The following CAMK1G variants were observed in gnomAD, a reference collection of about 807,000 sequenced individuals.
CAMK1G encodes the protein calcium/calmodulin-dependent protein kinase type 1G.
In CAMK1G, 27 loss-of-function variants were observed where a neutral mutation model predicts 54.8. The ratio of observed to expected loss-of-function variants is 0.49; its 90% CI spans 0.36 to 0.68. The LOEUF is 0.68. Ranked by LOEUF, CAMK1G falls within the 30% of genes least tolerant of loss-of-function variation. CAMK1G has a pLI of 0.00. For synonymous variants in CAMK1G, 238 were observed against 224.9 expected (o/e 1.06, Z -0.52); for missense variants, 512 against 591.0 (o/e 0.87, Z 1.39).
Position 209,609,834 on chromosome 1 carries a change from T to C in CAMK1G, c.749-17T>C, listed in dbSNP as rs1558141980. The C allele has an allele frequency of 1.2e-6, 2 of 1,614,024 alleles. No homozygotes were observed. Among genetic ancestry groups the C allele is most frequent in the Admixed American group, 1.7e-5 (1 of 60,026 alleles). ...AATCTGGTCCTTAGTCGTCGTGTCT[T>C]TGATTACTCCCCTTAGCCAAGGACT... On this transcript the variant is annotated splice_polypyrimidine_tract_variant and intron_variant, in intron 8 of 12. Transcript: ENST00000361322.
At chr1:209,609,989 A>G in intron 9 of CAMK1G, 60 bp downstream of exon 9, 1 of 1,318,842 alleles carries the variant, frequency 7.6e-7, no homozygotes, top group Non-Finnish European at 1.1e-6. Context: ...AACCATGCTG[A>G]CTCATTCATA....
At chr1:209,594,258 C>T (rs752256922) in intron 1 of CAMK1G, among the ~76,000 whole-genome samples, 18 of 152,148 alleles carry the variant, frequency 1.2e-4, no homozygotes, top group Non-Finnish European at 2.2e-4. Flanking sequence ...GCCCATTGCC[C>T]GTCTCCTTCA....
chr1:209,612,713 C>A, intron 11 of CAMK1G, 72 bp from the exon 12 acceptor site: 1 of 1,264,130 alleles, frequency 7.9e-7, no homozygotes, highest in Non-Finnish European at 1.2e-6. Flanking sequence ...AGAGAACTAC[C>A]ACCTCTGCCC....
intron 9 of CAMK1G, 85 bp from the exon 10 acceptor site, chr1:209,611,380 A>T: frequency 8.2e-7 from 1 of 1,221,570 alleles, no homozygotes; most frequent in Non-Finnish European, 1.2e-6. Flanking sequence ...CCCAGCTCTC[A>T]CCTAGACCTG....
At chr1:209,594,742 A>G (rs937219428) in intron 1 of CAMK1G, among the ~76,000 whole-genome samples, 1 of 152,258 alleles carries the variant, frequency 6.6e-6, no homozygotes, top group Non-Finnish European at 1.5e-5. Context: ...AGCATAGTGC[A>G]CATGTAGTAG....
chr1:209,595,750 C>T (rs954692061), intron 2 of CAMK1G, among the ~76,000 whole-genome samples: 5 of 152,242 alleles, frequency 3.3e-5, no homozygotes, highest in African/African-American at 9.6e-5. Flanking sequence ...CCACCATCCT[C>T]CCTCCTCCAT....
intron 1 of CAMK1G, among the ~76,000 whole-genome samples, chr1:209,589,449 G>A (rs756345243): frequency 1.3e-4 from 20 of 152,170 alleles, no homozygotes; most frequent in Non-Finnish European, 2.1e-4. Context: ...GCCCTGCTGC[G>A]GTCCCTTCCC....
rs971138734 is a variant in CAMK1G at position 209,611,498 on chromosome 1, C to T, written c.861C>T (p.Ile287=). Residue 287 remains isoleucine, a synonymous_variant, in exon 10 of 13, where the codon ATC becomes ATT. Coordinates refer to ENST00000361322, the MANE Select transcript of CAMK1G (RefSeq NM_020439.3). The part of the protein sequence containing the change: ...IDGNTALHRD[I]YPSVSLQIQK... ...GAAACACAGCCCTCCACCGGGACAT[C>T]TACCCATCAGTCAGCCTCCAGATCC... is the stretch of plus-strand genomic sequence containing the variant. 1 of 1,614,226 alleles carries T rather than the reference C, an allele frequency of 6.2e-7. No homozygotes were observed. The highest frequency in any genetic ancestry group is 8.5e-7 in the Non-Finnish European group (1 of 1,180,030).
chr1:209,590,739 G>A (rs555890799), intron 1 of CAMK1G, among the ~76,000 whole-genome samples: 3 of 152,120 alleles, frequency 2.0e-5, no homozygotes, highest in Admixed American at 1.3e-4. Flanking sequence ...AGGGGAGAGA[G>A]CAAGGATGGG....
At chr1:209,603,399 G>T in intron 4 of CAMK1G, 111 bp downstream of exon 4, 1 of 805,948 alleles carries the variant, frequency 1.2e-6, no homozygotes, top group South Asian at 1.5e-5. Context: ...CAAAAATGAA[G>T]ACTTCATTCA....
At chr1:209,585,447 C>T (rs940366569) in intron 1 of CAMK1G, among the ~76,000 whole-genome samples, 1 of 152,222 alleles carries the variant, frequency 6.6e-6, no homozygotes, top group Non-Finnish European at 1.5e-5. Flanking sequence ...TTATGTGGTA[C>T]AGTGACGAGA....
rs780912545 is a variant in CAMK1G at position 209,611,851 on chromosome 1, C to G, written c.975C>G (p.His325Gln). ...HHMRKLHMNL[H>Q]SPGVRPEVEN... ...TGAGGAAGCTACACATGAACCTGCA[C>G]AGCCCGGGCGTCCGCCCAGAGGTGG... The change falls in exon 11 of 13, where the codon CAC becomes CAG. Residue 325 changes from histidine (H) to glutamine (Q), a missense_variant. Physicochemically the swap from His to Gln is conservative, Grantham distance 24 (BLOSUM62 0). This residue lies in a region of CAMK1G where 315 missense variants were observed against 330.5 expected (regional missense o/e 0.95). Transcript: ENST00000361322. The G allele has an allele frequency of 6.2e-7, 1 of 1,614,234 alleles. No individual in the cohort carries two copies. Among genetic ancestry groups the G allele is most frequent in the Non-Finnish European group, 8.5e-7 (1 of 1,180,048 alleles).
chr1:209,606,992 A>C (rs1164709652), intron 6 of CAMK1G, among the ~76,000 whole-genome samples: 4 of 152,176 alleles, frequency 2.6e-5, no homozygotes, highest in African/African-American at 9.7e-5. Flanking sequence ...CAGGGCCCCC[A>C]AAAAGAGTGA....
At chr1:209,596,039 G>A (rs1026575685) in intron 2 of CAMK1G, among the ~76,000 whole-genome samples, 4 of 152,206 alleles carry the variant, frequency 2.6e-5, no homozygotes, top group Admixed American at 2.0e-4. Flanking sequence ...CCAGCGGGCT[G>A]TCCATCCGGG....
chr1:209,611,065 A>G (rs1047476516), intron 9 of CAMK1G, among the ~76,000 whole-genome samples: 1 of 152,188 alleles, frequency 6.6e-6, no homozygotes, highest in African/African-American at 2.4e-5. Context: ...AAAGCATCAG[A>G]TAGTAAATAT....
At chr1:209,609,174 G>T in intron 8 of CAMK1G, 82 bp downstream of exon 8, 1 of 1,544,272 alleles carries the variant, frequency 6.5e-7, no homozygotes. Context: ...AAGGATGACA[G>T]TCCCGGCTCT....
chr1:209,601,651 T>G (rs1665529082), intron 3 of CAMK1G, among the ~76,000 whole-genome samples: 1 of 152,228 alleles, frequency 6.6e-6, no homozygotes, highest in South Asian at 2.1e-4. Context: ...GTTTGTTCAT[T>G]GAGTGAATAA....
intron 7 of CAMK1G, 83 bp from the exon 8 acceptor site, chr1:209,608,897 A>C (rs1032083067): frequency 6.4e-7 from 1 of 1,573,464 alleles, no homozygotes; most frequent in Admixed American, 1.7e-5. Flanking sequence ...CTGTGTATAC[A>C]GTGGGAGCTT....
intron 4 of CAMK1G, among the ~76,000 whole-genome samples, chr1:209,604,782 G>A (rs1355728633): frequency 1.3e-5 from 2 of 152,172 alleles, no homozygotes; most frequent in African/African-American, 2.4e-5. Context: ...GTGCAGTCCC[G>A]ATGGGTGGAA....
Sources: allele counts gnomAD v4.1 joint callset (sites outside exome capture counted in the v4.1 genomes callset), GRCh38; gene constraint gnomAD v4.1.1; regional missense constraint gnomAD v4.1.1; transcripts MANE v1.5; gene names NCBI Gene and HGNC (gene_info 2026-07-23, HGNC 2026-07-21).